Variants in UBE2E2 observed in about 807,000 individuals in gnomAD.
UBE2E2 encodes the protein ubiquitin-conjugating enzyme E2 E2.
Under a neutral mutation model 24.7 loss-of-function variants are expected in UBE2E2, and 6 were observed. That is an observed-to-expected ratio of 0.24 (90% CI 0.13 to 0.48). The LOEUF is 0.48. Ranked by LOEUF, UBE2E2 falls within the 20% of genes least tolerant of loss-of-function variation. The probability of loss-of-function intolerance (pLI) is 0.99; values close to 1 mark genes in which losing one functional copy is unlikely to be tolerated. For synonymous variants in UBE2E2, 104 were observed against 83.6 expected (o/e 1.24, Z -1.33); for missense variants, 169 against 245.0 (o/e 0.69, Z 2.07).
At chr3:23,462,690 G>GA (rs1302780781) in intron 3 of UBE2E2, among the ~76,000 whole-genome samples, 5 of 151,938 alleles carry the variant, frequency 3.3e-5, no homozygotes, top group South Asian at 2.1e-4. Context: ...ATTTCAATGT[G>GA]AAAAAAAATA....
At chr3:23,409,582 G>T (rs1385264516) in intron 3 of UBE2E2, among the ~76,000 whole-genome samples, 3 of 152,082 alleles carry the variant, frequency 2.0e-5, no homozygotes, top group Non-Finnish European at 4.4e-5. Flanking sequence ...TCTGTATTTT[G>T]CATTCTTTGT....
intron 3 of UBE2E2, among the ~76,000 whole-genome samples, chr3:23,341,710 C>CTT (rs765024492): frequency 2.0e-5 from 3 of 149,422 alleles, no homozygotes; most frequent in Non-Finnish European, 4.5e-5. Context: ...TCTTCTCGTT[C>CTT]TTTTTTTTTT....
At chr3:23,350,944 CA>C (rs1254936330) in intron 3 of UBE2E2, among the ~76,000 whole-genome samples, 2 of 152,088 alleles carry the variant, frequency 1.3e-5, no homozygotes, top group East Asian at 3.8e-4. Context: ...TCAGATTCAC[CA>C]AAGTTGAAAT....
chr3:23,297,530 G>A (rs552262505), intron 3 of UBE2E2, among the ~76,000 whole-genome samples: 2 of 152,130 alleles, frequency 1.3e-5, no homozygotes, highest in Admixed American at 6.5e-5. Flanking sequence ...CTACCTATGG[G>A]TAGCCAGTTT....
chr3:23,289,474 A>G (rs1227256014), intron 3 of UBE2E2, among the ~76,000 whole-genome samples: 5 of 152,230 alleles, frequency 3.3e-5, no homozygotes, highest in African/African-American at 1.2e-4. Context: ...AAGCAAAAGC[A>G]ATTTGACACT....
chr3:23,423,382 AAAGAT>A (rs1697849633), intron 3 of UBE2E2, among the ~76,000 whole-genome samples: 1 of 152,214 alleles, frequency 6.6e-6, no homozygotes, highest in Non-Finnish European at 1.5e-5. Context: ...TCTTGATACT[AAAGAT>A]AAGAAATAGA....
chr3:23,413,397 T>G (rs1697542841), intron 3 of UBE2E2, among the ~76,000 whole-genome samples: 1 of 152,146 alleles, frequency 6.6e-6, no homozygotes. Flanking sequence ...GGGGAGAGAT[T>G]GAAAGTATTA....
At chr3:23,206,354 AAAGC>A (rs2125314308) in intron 1 of UBE2E2, among the ~76,000 whole-genome samples, 1 of 152,386 alleles carries the variant, frequency 6.6e-6, no homozygotes, top group East Asian at 1.9e-4. Context: ...AAAATGAAAA[AAAGC>A]AAGAAATATG....
At chr3:23,264,461 A>G (rs1292964350) in intron 3 of UBE2E2, among the ~76,000 whole-genome samples, 1 of 152,144 alleles carries the variant, frequency 6.6e-6, no homozygotes, top group Non-Finnish European at 1.5e-5. Context: ...TGTGCGAGCC[A>G]CAAAAGGAGT....
At chr3:23,551,706 G>A (rs1315840387) in intron 5 of UBE2E2, among the ~76,000 whole-genome samples, 1 of 152,132 alleles carries the variant, frequency 6.6e-6, no homozygotes, top group Non-Finnish European at 1.5e-5. Context: ...AGAGTAAAAA[G>A]GATGACTGAC....
chr3:23,261,004 G>C (rs527559446), intron 3 of UBE2E2, among the ~76,000 whole-genome samples: 4 of 152,292 alleles, frequency 2.6e-5, no homozygotes, highest in African/African-American at 9.6e-5. Context: ...CTGGGAAGCT[G>C]ATGTGGGAGG....
intron 3 of UBE2E2, among the ~76,000 whole-genome samples, chr3:23,300,693 C>G (rs1264606334): frequency 2.0e-5 from 3 of 152,172 alleles, no homozygotes; most frequent in African/African-American, 7.2e-5. Flanking sequence ...GTAACCCGAC[C>G]TTTCTCTCTG....
chr3:23,478,799 G>C (rs902896876), intron 3 of UBE2E2, among the ~76,000 whole-genome samples: 1 of 152,020 alleles, frequency 6.6e-6, no homozygotes, highest in Non-Finnish European at 1.5e-5. Flanking sequence ...CCAACACTTT[G>C]AGTGGCTGAG....
chr3:23,426,209 A>G (rs1697920719), intron 3 of UBE2E2, among the ~76,000 whole-genome samples: 1 of 152,202 alleles, frequency 6.6e-6, no homozygotes, highest in South Asian at 2.1e-4. Flanking sequence ...AAGTAAAGGG[A>G]AAAAAGACTG....
At chr3:23,443,711 A>G (rs1698357312) in intron 3 of UBE2E2, among the ~76,000 whole-genome samples, 1 of 152,202 alleles carries the variant, frequency 6.6e-6, no homozygotes, top group Non-Finnish European at 1.5e-5. Flanking sequence ...CAGCTGGACT[A>G]AGATACAAGT....
At chr3:23,483,185 A>G (rs767343102) in intron 3 of UBE2E2, among the ~76,000 whole-genome samples, 10 of 152,218 alleles carry the variant, frequency 6.6e-5, no homozygotes, top group African/African-American at 9.6e-5. Context: ...ATGGAAAAGA[A>G]GATGAGCTTT....
chr3:23,418,956 C>CTTTT (rs11399749), intron 3 of UBE2E2, among the ~76,000 whole-genome samples: 1 of 141,408 alleles, frequency 7.1e-6, no homozygotes. Flanking sequence ...ACAAATGTTA[C>CTTTT]TTTTTTTTTT....
intron 3 of UBE2E2, among the ~76,000 whole-genome samples, chr3:23,479,125 G>A (rs772028792): frequency 4.7e-4 from 72 of 152,054 alleles, no homozygotes; most frequent in Non-Finnish European, 8.4e-4. Flanking sequence ...GGGCCCACTG[G>A]GCTCATTCCA....
chr3:23,360,735 A>G (rs977981250), intron 3 of UBE2E2, among the ~76,000 whole-genome samples: 2 of 152,112 alleles, frequency 1.3e-5, no homozygotes, highest in Non-Finnish European at 1.5e-5. Flanking sequence ...CCTGTTTTGA[A>G]TGGAAGGTAG....
Sources: gnomAD v4.1 joint callset for allele counts (sites outside exome capture counted in the v4.1 genomes callset) on GRCh38, gnomAD v4.1.1 for gene constraint, MANE v1.5 for transcripts, NCBI Gene and HGNC (gene_info 2026-07-23, HGNC 2026-07-21) for gene names.